Variants in OTULINL observed in about 807,000 individuals in gnomAD.
The protein encoded by OTULINL is inactive ubiquitin thioesterase OTULINL.
OTULINL carries 42 observed loss-of-function variants against 43.9 expected under a neutral mutation model. That is an observed-to-expected ratio of 0.96 (90% CI 0.75 to 1.24). The LOEUF (loss-of-function observed/expected upper bound fraction) is 1.24, where lower values mean the gene tolerates loss of function less well. Ranked by LOEUF, OTULINL falls within the 50% of genes most tolerant of loss-of-function variation. The pLI, the probability that OTULINL is intolerant of heterozygous loss-of-function variation, is 0.00. For missense variants in OTULINL, 411 were observed against 426.4 expected (o/e 0.96, Z 0.32); for synonymous variants, 172 against 153.6 (o/e 1.12, Z -0.88).
intron 4 of OTULINL, among the ~76,000 whole-genome samples, chr5:14,601,919 T>C (rs1402299538): frequency 2.0e-5 from 3 of 152,236 alleles, no homozygotes; most frequent in South Asian, 4.1e-4. Context: ...CCTAAAAGTA[T>C]ACAGAGTTTT....
intron 1 of OTULINL, 105 bp downstream of exon 1, chr5:14,582,063 T>G: frequency 2.5e-6 from 2 of 802,908 alleles, no homozygotes; most frequent in Non-Finnish European, 3.3e-6. Context: ...GCGGCCACCT[T>G]CGCTGCCTGT....
chr5:14,594,879 CCA>C (rs1053852254), intron 1 of OTULINL, among the ~76,000 whole-genome samples: 2 of 151,986 alleles, frequency 1.3e-5, no homozygotes, highest in African/African-American at 4.8e-5. Context: ...ACCTCTCTTG[CCA>C]CAGAGTGTCC....
At position 14,611,489 on chromosome 5, in the gene OTULINL, C is replaced by T. The variant is rs1459241516; in HGVS notation, c.*1175C>T. ...AGACTGGAAAGGAAACAGAAACTTC[C>T]CCATAGCCTCCAGAAGGAACGCAGC... On this transcript the variant is annotated 3_prime_UTR_variant, in exon 8 of 8. Coordinates refer to ENST00000274217, the MANE Select transcript of OTULINL (RefSeq NM_019018.3). 6.6e-6 allele frequency: 1 copy of T among 152,174 alleles called. No individual in the cohort carries two copies. Among genetic ancestry groups the T allele is most frequent in the African/African-American group, 2.4e-5 (1 of 41,424 alleles). 9.4% of individuals were successfully genotyped at this position (152,174 alleles called of 1,614,324 possible). A position where few individuals can be genotyped will look rare whatever the true frequency, so the allele number is the denominator to read the frequency against.
intron 7 of OTULINL, among the ~76,000 whole-genome samples, chr5:14,609,508 AAATGATATAAAACTGATTG>A (rs1307614538): frequency 3.9e-5 from 6 of 152,244 alleles, no homozygotes; most frequent in East Asian, 1.9e-4. Context: ...AATGGATATA[AAATGATATAAAACTGATTG>A]AATGATATAA....
At position 14,610,177 on chromosome 5, in the gene OTULINL, A is replaced by G. The variant is rs1318407410; in HGVS notation, c.934A>G (p.Lys312Glu). ...TATACTTGGATACTCCCTTGAAGTA[A>G]AGATAAAAGTGTTCAGACTGTTCAA... ...MFILGYSLEVKIKVFRLFKFN... is the reference protein window; with the variant it reads ...MFILGYSLEVEIKVFRLFKFN... Residue 312 changes from lysine (K) to glutamate (E), a missense_variant, in exon 8 of 8, where the codon AAG becomes GAG. By Grantham distance (56) the Lys-to-Glu change is moderately conservative. Transcript: ENST00000274217. 1 of 1,614,098 alleles carries G rather than the reference A, an allele frequency of 6.2e-7. No homozygotes were observed. The highest frequency in any genetic ancestry group is 1.1e-5 in the South Asian group (1 of 91,084).
intron 1 of OTULINL, among the ~76,000 whole-genome samples, chr5:14,583,999 T>G (rs920572403): frequency 6.6e-6 from 1 of 152,236 alleles, no homozygotes; most frequent in Non-Finnish European, 1.5e-5. Context: ...TCGGAAAGAC[T>G]GTCTGAATCA....
intron 1 of OTULINL, among the ~76,000 whole-genome samples, chr5:14,593,758 C>A (rs1759243581): frequency 6.6e-6 from 1 of 152,116 alleles, no homozygotes; most frequent in Non-Finnish European, 1.5e-5. Flanking sequence ...CTAAAGAAAA[C>A]ACACACACAA....
At chr5:14,609,159 G>A (rs1395646786) in intron 7 of OTULINL, 142 bp downstream of exon 7, 23 of 851,594 alleles carry the variant, frequency 2.7e-5, no homozygotes, top group Non-Finnish European at 3.5e-5. Flanking sequence ...CCCCTCAAAT[G>A]AGGAAAAGAA....
chr5:14,602,324 A>G lies in OTULINL; in HGVS notation c.490A>G (p.Ile164Val), dbSNP rs778016855. The change falls in exon 5 of 8, where the codon ATT becomes GTT. Residue 164 changes from isoleucine (I) to valine (V), a missense_variant. Physicochemically the swap from Ile to Val is conservative, Grantham distance 29. Transcript: ENST00000274217. Reference sequence around the variant, plus strand: ...TCCATCATGGATGAAAGAAAAGGACATTGTTAAGGTATGTCTTCCCCCTGG... The same window carrying G: ...TCCATCATGGATGAAAGAAAAGGACGTTGTTAAGGTATGTCTTCCCCCTGG... ...SFPSWMKEKDIVKLPEKLLFS... is the reference protein window; with the variant it reads ...SFPSWMKEKDVVKLPEKLLFS... The G allele has an allele frequency of 5.6e-6, 9 of 1,613,264 alleles. No homozygotes were observed. The highest frequency in any genetic ancestry group is 5.5e-5 in the South Asian group (5 of 90,776).
intron 1 of OTULINL, among the ~76,000 whole-genome samples, chr5:14,583,646 G>A (rs1759056213): frequency 6.6e-6 from 1 of 152,200 alleles, no homozygotes; most frequent in South Asian, 2.1e-4. Context: ...TGCAGTTGGT[G>A]TGCAGCAGAG....
intron 1 of OTULINL, among the ~76,000 whole-genome samples, chr5:14,593,455 G>A (rs1759237482): frequency 1.3e-5 from 2 of 152,180 alleles, no homozygotes; most frequent in African/African-American, 4.8e-5. Context: ...GAAGACAAGA[G>A]TCCTTTGCTC....
rs1389271966 is a variant in OTULINL, at chr5:14,611,658, T to G, written c.*1344T>G. ...AGAAAACTAGTATTCTCAGGCTAGTTTTTGGTCGTCTTTATTTTGGAAATA... is the reference window on the plus strand; with the variant it reads ...AGAAAACTAGTATTCTCAGGCTAGTGTTTGGTCGTCTTTATTTTGGAAATA... On this transcript the variant is annotated 3_prime_UTR_variant, in exon 8 of 8. Coordinates refer to ENST00000274217, the MANE Select transcript of OTULINL (RefSeq NM_019018.3). The G allele has an allele frequency of 6.6e-6, 1 of 152,188 alleles. No homozygotes were observed. The highest frequency in any genetic ancestry group is 2.4e-5 in the African/African-American group (1 of 41,438). 9.4% of individuals were successfully genotyped at this position (152,188 alleles called of 1,614,324 possible). A position where few individuals can be genotyped will look rare whatever the true frequency, so the allele number is the denominator to read the frequency against.
Position 14,581,852 on chromosome 5 carries a change from G to T in OTULINL, c.-43G>T, listed in dbSNP as rs576878445. 1 of 1,378,000 alleles carries T rather than the reference G, an allele frequency of 7.3e-7. No homozygotes were observed. Among genetic ancestry groups the T allele is most frequent in the South Asian group, 1.6e-5 (1 of 64,512 alleles). 85.4% of individuals were successfully genotyped at this position (1,378,000 alleles called of 1,614,324 possible). A position where few individuals can be genotyped will look rare whatever the true frequency, so the allele number is the denominator to read the frequency against. ...CCGTCGCGTCTGACAGACCACTGCA[G>T]ACCACGGGCCGAGGCCCAGCGCCCG... On this transcript the variant is annotated 5_prime_UTR_variant, in exon 1 of 8. Coordinates refer to ENST00000274217, the MANE Select transcript of OTULINL (RefSeq NM_019018.3).
At chr5:14,601,528 C>A in intron 4 of OTULINL, 86 bp downstream of exon 4, 1 of 1,210,220 alleles carries the variant, frequency 8.3e-7, no homozygotes, top group Non-Finnish European at 1.2e-6. Context: ...TTTACTAAAT[C>A]CAGATATCCA....
chr5:14,609,727 T>C (rs1189390524), intron 7 of OTULINL, among the ~76,000 whole-genome samples: 1 of 151,492 alleles, frequency 6.6e-6, no homozygotes, highest in Non-Finnish European at 1.5e-5. Flanking sequence ...GCCTTCCGGG[T>C]TCACGCCATT....
chr5:14,593,976 A>G (rs1428269205), intron 1 of OTULINL, among the ~76,000 whole-genome samples: 1 of 152,232 alleles, frequency 6.6e-6, no homozygotes, highest in African/African-American at 2.4e-5. Context: ...TCTCAGTGAT[A>G]TTGATCTTGT....
chr5:14,590,582 C>T (rs1231679892), intron 1 of OTULINL, among the ~76,000 whole-genome samples: 4 of 152,052 alleles, frequency 2.6e-5, no homozygotes, highest in Non-Finnish European at 5.9e-5. Flanking sequence ...AGACTTAGGG[C>T]GGGGAGGTGG....
intron 1 of OTULINL, among the ~76,000 whole-genome samples, chr5:14,597,018 CATACCATAGT>C (rs1297611239): frequency 1.1e-4 from 17 of 152,172 alleles, no homozygotes; most frequent in Admixed American, 2.6e-4. Flanking sequence ...GGGACACATT[CATACCATAGT>C]ATATCACATT....
chr5:14,595,975 G>C (rs938155114), intron 1 of OTULINL, among the ~76,000 whole-genome samples: 1 of 152,112 alleles, frequency 6.6e-6, no homozygotes, highest in Non-Finnish European at 1.5e-5. Context: ...ATATTGAAAA[G>C]AAATTTCATG....
Sources: gnomAD v4.1 joint callset for allele counts (sites outside exome capture counted in the v4.1 genomes callset) on GRCh38, gnomAD v4.1.1 for gene constraint, MANE v1.5 for transcripts, NCBI Gene and HGNC (gene_info 2026-07-23, HGNC 2026-07-21) for gene names.